RMDN1: variants seen among roughly 807,000 people sequenced by gnomAD.
RMDN1 encodes the protein regulator of microtubule dynamics 1, also known as regulator of microtubule dynamics protein 1.
A neutral mutation model predicts 48.9 loss-of-function variants in RMDN1; 48 were observed. The ratio of observed to expected loss-of-function variants is 0.98; its 90% CI spans 0.78 to 1.25. The LOEUF (loss-of-function observed/expected upper bound fraction) is 1.25. Ranked by LOEUF, RMDN1 falls within the 50% of genes most tolerant of loss-of-function variation. The pLI, the probability that RMDN1 is intolerant of heterozygous loss-of-function variation, is 0.00. For missense variants in RMDN1, 418 were observed against 373.4 expected, an observed-to-expected ratio of 1.12 and a Z score of -0.98; for synonymous variants, 148 against 132.6, an observed-to-expected ratio of 1.12 and a Z score of -0.80.
In RMDN1 at chr8:86,481,447, T is replaced by C. The variant is rs185315866; in HGVS notation, c.586-1115A>G. Among the ~76,000 whole-genome samples the C allele has an allele frequency of 7.8e-3, 1,183 of 152,302 alleles. 6 individuals carry two copies. The highest frequency in any genetic ancestry group is 0.013 in the Non-Finnish European group (880 of 68,030). On this transcript the variant is annotated intron_variant, in intron 5 of 9. Coordinates refer to ENST00000406452, the MANE Select transcript of RMDN1 (RefSeq NM_016033.3). ...AAAAAATTGTGTAAGTAACTATTTT[T>C]TTCTATTTCCTAAGAATGATACAGA... is the stretch of plus-strand genomic sequence containing the variant.
chr8:86,504,284 A>T, intron 2 of RMDN1: 2 of 1,574,724 alleles, frequency 1.3e-6, no homozygotes, highest in Admixed American at 3.3e-5. Flanking sequence ...GGCACCCAGG[A>T]TGTATCCCAA....
upstream of RMDN1, among the ~76,000 whole-genome samples, chr8:86,512,019 T>A (rs1820071129): frequency 6.6e-6 from 1 of 152,210 alleles, no homozygotes; most frequent in South Asian, 2.1e-4. Flanking sequence ...GCTTGGTATC[T>A]AACATGAATT....
At chr8:86,486,261 A>C (rs1437923121) in intron 4 of RMDN1, among the ~76,000 whole-genome samples, 1 of 152,212 alleles carries the variant, frequency 6.6e-6, no homozygotes, top group African/African-American at 2.4e-5. Flanking sequence ...AGTTAGACCA[A>C]ATGTTTACAA....
At chr8:86,479,952 AT>A (rs1236986438) in intron 6 of RMDN1, among the ~76,000 whole-genome samples, 2 of 152,144 alleles carry the variant, frequency 1.3e-5, no homozygotes, top group African/African-American at 4.8e-5. Flanking sequence ...CACTTTGAAG[AT>A]ACAAAGACCC....
chr8:86,470,415 G>C, downstream of RMDN1: 1 of 1,277,600 alleles, frequency 7.8e-7, no homozygotes, highest in Non-Finnish European at 1.0e-6. Flanking sequence ...AGGCTCCTGG[G>C]AAGTCAAATG....
chr8:86,468,408 CTG>C (rs1812284207), downstream of RMDN1: 1 of 449,128 alleles, frequency 2.2e-6, no homozygotes, highest in African/African-American at 2.0e-5. Context: ...TATGAACACT[CTG>C]GTAATTTTCA....
rs774628565 is a variant in RMDN1, at chr8:86,506,987, A to G, written c.247+8T>C. On this transcript the variant is annotated splice_region_variant and intron_variant, in intron 2 of 9. Coordinates refer to ENST00000406452, the MANE Select transcript of RMDN1 (RefSeq NM_016033.3). ...TCTAAATGTTCCATATATCTAATTT[A>G]TGCTTACCTTTGGCTGTGGCATGAA... is the stretch of plus-strand genomic sequence containing the variant. The G allele has an allele frequency of 4.0e-6, 6 of 1,484,704 alleles. No homozygotes were observed. Among genetic ancestry groups the G allele is most frequent in the Non-Finnish European group, 4.7e-6 (5 of 1,066,682 alleles). 92.0% of individuals were successfully genotyped at this position (1,484,704 alleles called of 1,614,324 possible).
intron 7 of RMDN1, chr8:86,478,690 C>A: frequency 2.1e-6 from 1 of 480,038 alleles, no homozygotes; most frequent in South Asian, 2.8e-5. Context: ...AGCCACGAGC[C>A]ATTTTAGATG....
chr8:86,506,016 T>C (rs1322308010), intron 2 of RMDN1, among the ~76,000 whole-genome samples: 5 of 152,176 alleles, frequency 3.3e-5, no homozygotes, highest in African/African-American at 1.2e-4. Context: ...TGGTGGTTGA[T>C]GGGTTCTAAT....
chr8:86,475,972 C>A (rs1813302685), intron 8 of RMDN1, among the ~76,000 whole-genome samples: 1 of 152,038 alleles, frequency 6.6e-6, no homozygotes, highest in African/African-American at 2.4e-5. Context: ...TCAGAATGTA[C>A]AGTCTTACAC....
chr8:86,514,357 T>TG, upstream of RMDN1: 1 of 695,174 alleles, frequency 1.4e-6, no homozygotes, highest in Non-Finnish European at 1.8e-6. Flanking sequence ...GCGGATGGGC[T>TG]GATCCTCGCG....
intron 6 of RMDN1, among the ~76,000 whole-genome samples, chr8:86,479,914 C>T (rs1005519966): frequency 3.3e-5 from 5 of 152,050 alleles, no homozygotes; most frequent in African/African-American, 1.2e-4. Context: ...TATATGGTTC[C>T]TCAGATTAAT....
chr8:86,496,899 T>C (rs1356230730), intron 2 of RMDN1, among the ~76,000 whole-genome samples: 1 of 151,826 alleles, frequency 6.6e-6, no homozygotes, highest in Non-Finnish European at 1.5e-5. Flanking sequence ...CATAAAGCAA[T>C]TCTGAACAAA....
chr8:86,505,113 T>A, intron 2 of RMDN1: 10 of 1,352,056 alleles, frequency 7.4e-6, no homozygotes, highest in Non-Finnish European at 9.8e-6. Flanking sequence ...AAGCCACCTC[T>A]CCCTGAATGA....
intron 2 of RMDN1, among the ~76,000 whole-genome samples, chr8:86,490,172 G>T (rs1424803380): frequency 6.6e-6 from 1 of 152,118 alleles, no homozygotes; most frequent in African/African-American, 2.4e-5. Flanking sequence ...AAAGGATAAG[G>T]AGTAGTCTTT....
chr8:86,482,436 G>T, intron 5 of RMDN1: 2 of 467,324 alleles, frequency 4.3e-6, no homozygotes, highest in South Asian at 4.0e-5. Context: ...GTAAATCTTT[G>T]CAGTCTTAAG....
intron 2 of RMDN1, among the ~76,000 whole-genome samples, chr8:86,505,694 G>C (rs1819207205): frequency 1.3e-5 from 2 of 152,188 alleles, no homozygotes; most frequent in South Asian, 4.1e-4. Flanking sequence ...GAAGGAAATT[G>C]AGATTGGAGG....
Position 86,494,434 on chromosome 8 carries a change from T to A in RMDN1, c.248-5795A>T, listed in dbSNP as rs1816987934. Among the ~76,000 whole-genome samples the A allele has an allele frequency of 2.0e-5, 3 of 152,140 alleles. No individual in the cohort carries two copies. In the South Asian group the frequency reaches 6.2e-4, roughly 32 times the overall value. ...AGCTGGGCATGGTGACACATGCCTG[T>A]AGTCCCAGCTACTAGGGAGGCCGAG... On this transcript the variant is annotated intron_variant, in intron 2 of 9. Coordinates refer to ENST00000406452, the MANE Select transcript of RMDN1 (RefSeq NM_016033.3).
At chr8:86,498,651 T>C (rs1817750487) in intron 2 of RMDN1, among the ~76,000 whole-genome samples, 1 of 151,806 alleles carries the variant, frequency 6.6e-6, no homozygotes, top group South Asian at 2.1e-4. Context: ...CGTAGTGGTA[T>C]ACAACTGTAG....
Sources: allele counts gnomAD v4.1 joint callset (sites outside exome capture counted in the v4.1 genomes callset), GRCh38; gene constraint gnomAD v4.1.1; transcripts MANE v1.5; gene names NCBI Gene and HGNC (gene_info 2026-07-23, HGNC 2026-07-21).